MYH9: variants seen among roughly 807,000 people sequenced by gnomAD.
MYH9 encodes the protein myosin-9.
In MYH9, 29 loss-of-function variants were observed where a neutral mutation model predicts 241.9. The ratio of observed to expected loss-of-function variants is 0.12; its 90% CI spans 0.09 to 0.16. MYH9 has a LOEUF of 0.16. Ranked by LOEUF, MYH9 falls within the 10% of genes least tolerant of loss-of-function variation. The pLI, the probability that MYH9 is intolerant of heterozygous loss-of-function variation, is 1.00. For missense variants in MYH9, 1,803 were observed against 2,595.5 expected (o/e 0.69, Z 6.63); for synonymous variants, 1,047 against 1,062.6 (o/e 0.99, Z 0.29).
At chr22:36,340,407 TC>T (rs1472543180) in intron 3 of MYH9, among the ~76,000 whole-genome samples, 1 of 151,892 alleles carries the variant, frequency 6.6e-6, no homozygotes, top group Non-Finnish European at 1.5e-5. Flanking sequence ...ACGCCTGTAA[TC>T]CCAGCACTTT....
chr22:36,321,153 C>T (rs2017244735), intron 7 of MYH9, among the ~76,000 whole-genome samples: 1 of 152,176 alleles, frequency 6.6e-6, no homozygotes, highest in African/African-American at 2.4e-5. Context: ...CCATGTTGGC[C>T]AGGCTGGTCT....
intron 14 of MYH9, among the ~76,000 whole-genome samples, chr22:36,310,758 G>C (rs1449355039): frequency 6.6e-6 from 1 of 152,226 alleles, no homozygotes; most frequent in Non-Finnish European, 1.5e-5. Flanking sequence ...AGGCCCCTTG[G>C]TGGGCTTTAG....
At chr22:36,303,898 G>C (rs2016928316) in intron 19 of MYH9, 97 bp downstream of exon 19, 1 of 1,439,966 alleles carries the variant, frequency 6.9e-7, no homozygotes, top group South Asian at 1.2e-5. Flanking sequence ...ACAGGCATGT[G>C]ACTGGCTGCA....
intron 1 of MYH9, among the ~76,000 whole-genome samples, chr22:36,368,230 TTC>T (rs1216323373): frequency 6.6e-6 from 1 of 152,232 alleles, no homozygotes; most frequent in Non-Finnish European, 1.5e-5. Context: ...TTGCACTTTA[TTC>T]TGAGTGCTTT....
In MYH9 at chr22:36,295,758, A is replaced by T; in HGVS notation, c.3273-41T>A. 1 of 1,563,106 alleles carries T rather than the reference A, an allele frequency of 6.4e-7. No homozygotes were observed. Among genetic ancestry groups the T allele is most frequent in the South Asian group, 1.1e-5 (1 of 88,294 alleles). On this transcript the variant is annotated intron_variant, in intron 25 of 40. Transcript: ENST00000216181. The surrounding 1 kb of genome is among the most constrained non-coding windows in gnomAD (Gnocchi z 4.1). ...GCAACATCAGTATAAGGAGAGTTTC[A>T]CCTCCAAGGAGCAGAGTTTGCAGGA... is the stretch of plus-strand genomic sequence containing the variant.
intron 20 of MYH9, among the ~76,000 whole-genome samples, chr22:36,302,043 C>T (rs772770121): frequency 1.3e-5 from 2 of 152,146 alleles, no homozygotes; most frequent in Non-Finnish European, 2.9e-5. Flanking sequence ...GTACGAACTA[C>T]AACTGTTTAT....
intron 3 of MYH9, among the ~76,000 whole-genome samples, chr22:36,332,466 G>A (rs946896779): frequency 8.6e-5 from 13 of 151,904 alleles, no homozygotes; most frequent in East Asian, 1.9e-4. Flanking sequence ...AGGCCACCAC[G>A]GTAGGCCCAG....
At chr22:36,304,438 C>T (rs1166644561) in intron 18 of MYH9, among the ~76,000 whole-genome samples, 7 of 152,126 alleles carry the variant, frequency 4.6e-5, no homozygotes, top group Admixed American at 3.9e-4. Context: ...TTAGAAAGAA[C>T]GTGAAGTAAA....
intron 11 of MYH9, 125 bp from the exon 12 acceptor site, chr22:36,316,794 G>GAA: frequency 2.3e-5 from 18 of 797,022 alleles, no homozygotes; most frequent in Non-Finnish European, 3.1e-5. Context: ...GTATGTGGGG[G>GAA]AAAAAAAAAA....
At chr22:36,363,851 T>C (rs2017971333) in intron 1 of MYH9, among the ~76,000 whole-genome samples, 1 of 152,192 alleles carries the variant, frequency 6.6e-6, no homozygotes, top group South Asian at 2.1e-4. Context: ...CTGCAGATGG[T>C]ATCTCCCCAG....
At chr22:36,289,398 C>T (rs1232926032) in intron 31 of MYH9, 101 bp from the exon 32 acceptor site, 13 of 1,122,658 alleles carry the variant, frequency 1.2e-5, no homozygotes, top group African/African-American at 6.2e-5. Context: ...CCAGAGGCCA[C>T]GGTGGAGAGG....
chr22:36,348,036 A>G (rs1305677195), intron 2 of MYH9, among the ~76,000 whole-genome samples: 2 of 147,936 alleles, frequency 1.4e-5, no homozygotes, highest in African/African-American at 2.4e-5. Flanking sequence ...ATATTTCATT[A>G]TTTTAATAAT....
intron 1 of MYH9, among the ~76,000 whole-genome samples, chr22:36,387,363 G>A (rs1438768740): frequency 6.6e-6 from 1 of 152,234 alleles, no homozygotes; most frequent in Non-Finnish European, 1.5e-5. Context: ...CACGGGAGCG[G>A]CTGCCCCGGG....
intron 28 of MYH9, 31 bp downstream of exon 28, chr22:36,294,061 G>A (rs1382191339): frequency 1.9e-6 from 3 of 1,603,642 alleles, no homozygotes; most frequent in Non-Finnish European, 1.7e-6. Context: ...AGGGCCCACT[G>A]CCCGCGCCAG....
chr22:36,286,126 T>G, intron 35 of MYH9, 173 bp from the exon 36 acceptor site: 1 of 676,022 alleles, frequency 1.5e-6, no homozygotes, highest in South Asian at 1.6e-5. Context: ...AGATATAGCT[T>G]AAACACCATA....
At chr22:36,369,594 C>G (rs577780670) in intron 1 of MYH9, among the ~76,000 whole-genome samples, 1 of 152,172 alleles carries the variant, frequency 6.6e-6, no homozygotes, top group Non-Finnish European at 1.5e-5. Flanking sequence ...GCTGTCTACC[C>G]GACAGGTCTC....
intron 21 of MYH9, 102 bp from the exon 22 acceptor site, chr22:36,301,159 C>T (rs2016871261): frequency 1.7e-6 from 2 of 1,155,806 alleles, no homozygotes; most frequent in Admixed American, 1.8e-5. Context: ...GGGAAAGGAA[C>T]ATGCAGACAA....
intron 3 of MYH9, among the ~76,000 whole-genome samples, chr22:36,336,736 G>A (rs779041409): frequency 3.9e-5 from 6 of 152,178 alleles, no homozygotes; most frequent in Admixed American, 6.5e-5. Context: ...TGCAAGATCC[G>A]ACCTCGCCAC....
intron 24 of MYH9, among the ~76,000 whole-genome samples, chr22:36,298,676 A>G (rs941126520): frequency 6.6e-6 from 1 of 152,178 alleles, no homozygotes; most frequent in African/African-American, 2.4e-5. Context: ...CGCTTCATGC[A>G]GTGGGGGCAT....
Sources: gnomAD v4.1 joint callset for allele counts (sites outside exome capture counted in the v4.1 genomes callset) on GRCh38, gnomAD v4.1.1 for gene constraint, Gnocchi (gnomAD v3.1) non-coding constraint, MANE v1.5 for transcripts, NCBI Gene and HGNC (gene_info 2026-07-23, HGNC 2026-07-21) for gene names.